Variants in CDH22 observed in about 807,000 individuals in gnomAD.
CDH22 encodes cadherin-22.
A neutral mutation model predicts 58.4 loss-of-function variants in CDH22; 30 were observed. The observed-to-expected ratio is 0.51, with a 90% CI of 0.38 to 0.70. CDH22 has a LOEUF of 0.70. CDH22 is among the 30% of genes least tolerant of loss of function. CDH22 has a pLI of 0.00. For missense variants in CDH22, 1,014 were observed against 1,233.9 expected (o/e 0.82, Z 2.67); for synonymous variants, 513 against 558.2 (o/e 0.92, Z 1.14).
At position 46,174,286 on chromosome 20, in the gene CDH22, A is replaced by T; in HGVS notation, c.*220T>A. 1 of 505,266 alleles carries T rather than the reference A, an allele frequency of 2.0e-6. No homozygotes were observed. Among genetic ancestry groups the T allele is most frequent in the Non-Finnish European group, 3.4e-6 (1 of 290,566 alleles). 31.3% of individuals were successfully genotyped at this position (505,266 alleles called of 1,614,324 possible). A position where few individuals can be genotyped will look rare whatever the true frequency, so the allele number is the denominator to read the frequency against. On this transcript the variant is annotated 3_prime_UTR_variant, in exon 12 of 12. Transcript: ENST00000537909. This position sits in a 1 kb window ranked among gnomAD's most constrained non-coding sequence, Gnocchi z 4.4. ...CGTGCCCGGTCTCGCCTCAGTTTTA[A>T]TGCCGTTGGTCAGAATCCCGCACCT...
At chr20:46,185,834 C>T (rs2085821040) in intron 10 of CDH22, among the ~76,000 whole-genome samples, 1 of 152,192 alleles carries the variant, frequency 6.6e-6, no homozygotes, top group Admixed American at 6.5e-5. Flanking sequence ...CACTGCACTG[C>T]TGCCTGGGTG....
intron 10 of CDH22, among the ~76,000 whole-genome samples, chr20:46,178,446 G>A (rs1189477699): frequency 6.6e-6 from 1 of 151,954 alleles, no homozygotes; most frequent in African/African-American, 2.4e-5. Flanking sequence ...CTGTCCCCAT[G>A]TAGCCCACAA....
chr20:46,195,677 T>C (rs1274736908), intron 8 of CDH22, among the ~76,000 whole-genome samples: 1 of 147,036 alleles, frequency 6.8e-6, no homozygotes, highest in African/African-American at 2.5e-5. Flanking sequence ...CACCGAAGGA[T>C]TCAGACACAA....
intron 10 of CDH22, among the ~76,000 whole-genome samples, chr20:46,182,302 T>A (rs1811023053): frequency 6.6e-6 from 1 of 152,210 alleles, no homozygotes; most frequent in Admixed American, 6.5e-5. Context: ...GTCCCTGTCC[T>A]TGCTGGGCCT....
chr20:46,207,320 G>A (rs1385015302), intron 7 of CDH22, among the ~76,000 whole-genome samples: 1 of 152,196 alleles, frequency 6.6e-6, no homozygotes, highest in Non-Finnish European at 1.5e-5. Context: ...GTGGAGAGTG[G>A]AATTGGAGAG....
At chr20:46,181,735 C>CTTT (rs2085786929) in intron 10 of CDH22, among the ~76,000 whole-genome samples, 3 of 73,182 alleles carry the variant, frequency 4.1e-5, no homozygotes, top group Non-Finnish European at 8.7e-5. Context: ...TTCCTTCCTT[C>CTTT]CTTCCTTCCT....
At chr20:46,258,857 C>G (rs957817632) in intron 1 of CDH22, among the ~76,000 whole-genome samples, 2 of 152,234 alleles carry the variant, frequency 1.3e-5, no homozygotes, top group Non-Finnish European at 2.9e-5. Context: ...ACCAACCACA[C>G]TGACTGCAGG....
At chr20:46,195,915 G>A (rs1400971616) in intron 8 of CDH22, among the ~76,000 whole-genome samples, 4 of 152,172 alleles carry the variant, frequency 2.6e-5, no homozygotes, top group South Asian at 4.1e-4. Flanking sequence ...AAGCGCCGCC[G>A]CTGTGTATAA....
At chr20:46,219,393 T>C (rs1246268996) in intron 4 of CDH22, among the ~76,000 whole-genome samples, 1 of 152,204 alleles carries the variant, frequency 6.6e-6, no homozygotes, top group Non-Finnish European at 1.5e-5. Context: ...AGTTTCCTTA[T>C]CTGTAAAATG....
At chr20:46,278,365 C>G (rs2086531643) in intron 1 of CDH22, among the ~76,000 whole-genome samples, 1 of 152,162 alleles carries the variant, frequency 6.6e-6, no homozygotes, top group Admixed American at 6.5e-5. Context: ...CTGCCCCAGG[C>G]CTCAGTTTCT....
intron 2 of CDH22, among the ~76,000 whole-genome samples, chr20:46,247,746 G>T (rs2086341377): frequency 6.6e-6 from 1 of 152,152 alleles, no homozygotes; most frequent in African/African-American, 2.4e-5. Context: ...GCTCCAGGTG[G>T]CCCTTTAACC....
At chr20:46,184,632 C>T (rs187241164) in intron 10 of CDH22, among the ~76,000 whole-genome samples, 6 of 152,268 alleles carry the variant, frequency 3.9e-5, no homozygotes, top group Admixed American at 1.3e-4. Context: ...ATTTCCAGGA[C>T]CCGGAGCAGA....
intron 5 of CDH22, among the ~76,000 whole-genome samples, chr20:46,214,449 A>G (rs1345594677): frequency 1.3e-5 from 2 of 152,246 alleles, no homozygotes; most frequent in East Asian, 3.9e-4. Context: ...CACGAGATGA[A>G]CATGCCACTC....
intron 1 of CDH22, among the ~76,000 whole-genome samples, chr20:46,291,606 G>A (rs1024305026): frequency 2.0e-5 from 3 of 152,342 alleles, no homozygotes; most frequent in East Asian, 1.9e-4. Flanking sequence ...ATAGTCTCCC[G>A]AGATAGGTGC....
rs2086292652 is a variant in CDH22, at chr20:46,241,916, TA to T, written c.256-660del. Among the ~76,000 whole-genome samples, 1 of 152,204 alleles carries T rather than the reference TA, an allele frequency of 6.6e-6. No homozygotes were observed. The highest frequency in any genetic ancestry group is 2.1e-4 in the South Asian group (1 of 4,824). On this transcript the variant is annotated intron_variant, in intron 2 of 11. Transcript: ENST00000537909. This position sits in a 1 kb window ranked among gnomAD's most constrained non-coding sequence, Gnocchi z 5.2. ...GGCCAGGCCTCAGACTTTGCATTTC[TA>T]ACAAACTTCCAGGCTGCTGGTCCAT...
rs996628270 is a variant in CDH22, at chr20:46,178,123, G to A, written c.1738C>T (p.Leu580=). The A allele has an allele frequency of 1.1e-4, 170 of 1,613,952 alleles. No individual in the cohort carries two copies. The highest frequency in any genetic ancestry group is 1.4e-4 in the Non-Finnish European group (166 of 1,179,978). ...GTGGGCGGCCCACTGTCTACCACCA[G>A]GATGGGCAGGAAGAACACGTCCTGC... is the stretch of plus-strand genomic sequence containing the variant. ...QEQDVFFLPI[L]VVDSGPPTLS... is the part of the protein sequence containing the mutation. Residue 580 remains leucine, a synonymous_variant, in exon 11 of 12, where the codon CTG becomes TTG. Coordinates refer to ENST00000537909, the MANE Select transcript of CDH22 (RefSeq NM_021248.3).
chr20:46,211,007 G>C (rs1274204813), intron 6 of CDH22, among the ~76,000 whole-genome samples: 1 of 152,228 alleles, frequency 6.6e-6, no homozygotes, highest in Non-Finnish European at 1.5e-5. Flanking sequence ...ACTTGCCCAA[G>C]TCACCGGGCA....
chr20:46,285,409 C>T (rs62214489), intron 1 of CDH22, among the ~76,000 whole-genome samples: 1 of 152,178 alleles, frequency 6.6e-6, no homozygotes, highest in Non-Finnish European at 1.5e-5. Context: ...GACCTTGCGA[C>T]CCTTGGGACA....
In CDH22 at chr20:46,251,223, C is replaced by CAGCAGCAGT. The variant is rs1202393970; in HGVS notation, c.71_72insACTGCTGCT (p.Leu24_Leu26dup). The CAGCAGCAGT allele has an allele frequency of 2.7e-6, 4 of 1,470,466 alleles. No individual in the cohort carries two copies. The African/African-American group carries it at 5.9e-5, about 22-fold the overall frequency. 91.1% of individuals were successfully genotyped at this position (1,470,466 alleles called of 1,614,324 possible). A position where few individuals can be genotyped will look rare whatever the true frequency, so the allele number is the denominator to read the frequency against. On this transcript the variant is annotated inframe_insertion, in exon 2 of 12. Coordinates refer to ENST00000537909, the MANE Select transcript of CDH22 (RefSeq NM_021248.3). The surrounding 1 kb of genome is among the most constrained non-coding windows in gnomAD (Gnocchi z 6.7). Reference sequence around the variant, plus strand: ...GCAGCGTCGGCGGCGGCGGCAGCAGCAGCAGCAGCAGTAGCGCGGGGGACA... The same window carrying CAGCAGCAGT: ...GCAGCGTCGGCGGCGGCGGCAGCAGCAGCAGCAGTAGCAGCAGCAGTAGCGCGGGGGACA...
Sources: allele counts gnomAD v4.1 joint callset (sites outside exome capture counted in the v4.1 genomes callset), GRCh38; gene constraint gnomAD v4.1.1; non-coding constraint Gnocchi (gnomAD v3.1); transcripts MANE v1.5; gene names NCBI Gene and HGNC (gene_info 2026-07-23, HGNC 2026-07-21).